The following PDXK variants were observed in gnomAD, a reference collection of about 807,000 sequenced individuals.
The protein encoded by PDXK is pyridoxal kinase.
PDXK carries 15 observed loss-of-function variants against 43.2 expected under a neutral mutation model. The ratio of observed to expected loss-of-function variants is 0.35; its 90% confidence interval spans 0.23 to 0.53. The LOEUF is 0.53. Ranked by LOEUF, PDXK falls within the 20% of genes least tolerant of loss-of-function variation. PDXK has a pLI of 0.92. For missense variants in PDXK, 343 were observed against 417.0 expected (o/e 0.82, Z 1.54); for synonymous variants, 172 against 165.4 (o/e 1.04, Z -0.31).
rs2083417040 is a variant in PDXK at position 43,737,102 on chromosome 21, C to T, written c.142+2979C>T. ...TGTGCACCAGCACGCCCACCTCCTGCCCAGGGTTGTTACTGGGGTGGTCAC... is the reference window on the plus strand; with the variant it reads ...TGTGCACCAGCACGCCCACCTCCTGTCCAGGGTTGTTACTGGGGTGGTCAC... On this transcript the variant is annotated intron_variant, in intron 2 of 10. Coordinates refer to ENST00000291565, the MANE Select transcript of PDXK (RefSeq NM_003681.5). The surrounding 1 kb of genome is among the most constrained non-coding windows in gnomAD (Gnocchi z 4.8). The T allele has an allele frequency of 1.0e-6, 1 of 965,362 alleles. No individual in the cohort carries two copies. Among genetic ancestry groups the T allele is most frequent in the Non-Finnish European group, 1.6e-6 (1 of 626,894 alleles). The allele number at this position is 965,362 out of a possible 1,614,324, so 59.8% of individuals were successfully genotyped here.
In PDXK at chr21:43,732,965, C is replaced by T. The variant is rs1479846384; in HGVS notation, c.88-1104C>T. Among the ~76,000 whole-genome samples, 6 of 152,226 alleles carry T rather than the reference C, an allele frequency of 3.9e-5. No individual in the cohort carries two copies. The South Asian group carries it at 1.2e-3, about 32-fold the overall frequency. On this transcript the variant is annotated intron_variant, in intron 1 of 10. Coordinates refer to ENST00000291565, the MANE Select transcript of PDXK (RefSeq NM_003681.5). This position sits in a 1 kb window ranked among gnomAD's most constrained non-coding sequence, Gnocchi z 4.1. Reference sequence around the variant, plus strand: ...TTTTTGCCATGTTGCCCAGGCTGGTCTTGAACTCCTGGCCTCAAACTGTAC... The same window carrying T: ...TTTTTGCCATGTTGCCCAGGCTGGTTTTGAACTCCTGGCCTCAAACTGTAC...
intron 1 of PDXK, among the ~76,000 whole-genome samples, chr21:43,724,443 C>T (rs558126528): frequency 2.0e-5 from 3 of 152,248 alleles, no homozygotes; most frequent in East Asian, 1.9e-4. Flanking sequence ...AGCATGTGGA[C>T]GCGAGCAGCG....
chr21:43,749,494 G>A (rs2083697321), intron 6 of PDXK, among the ~76,000 whole-genome samples: 1 of 152,384 alleles, frequency 6.6e-6, no homozygotes, highest in South Asian at 2.1e-4. Context: ...CTCTGCCTTC[G>A]GGCTGCCTGT....
At chr21:43,720,404 G>A (rs1003554859) in intron 1 of PDXK, among the ~76,000 whole-genome samples, 1 of 152,200 alleles carries the variant, frequency 6.6e-6, no homozygotes, top group Non-Finnish European at 1.5e-5. Context: ...GAGGAGGACA[G>A]GAAGAGGGGA....
chr21:43,750,487 G>A lies in PDXK; in HGVS notation c.465-13G>A, dbSNP rs371536532. ...CACCTGTCCCCACCCGCCTGTCCCC[G>A]CCTGTCTTCCAGGTTACTGAGTGGC... On this transcript the variant is annotated splice_polypyrimidine_tract_variant and intron_variant, in intron 6 of 10. Transcript: ENST00000291565. 26 of 1,610,334 alleles carry A rather than the reference G, an allele frequency of 1.6e-5. No individual in the cohort carries two copies. The highest frequency in any genetic ancestry group is 5.0e-5 in the Admixed American group (3 of 59,768).
At chr21:43,719,908 G>C (rs368441190) in intron 1 of PDXK, 2 of 985,356 alleles carry the variant, frequency 2.0e-6, no homozygotes. Flanking sequence ...CGGTGCCCAC[G>C]AGGGTGGATT....
intron 7 of PDXK, among the ~76,000 whole-genome samples, chr21:43,750,868 G>T (rs1004710379): frequency 6.6e-6 from 1 of 151,782 alleles, no homozygotes; most frequent in South Asian, 2.1e-4. Context: ...ATGTGCGTCT[G>T]TGTGCATGTG....
chr21:43,732,522 C>A lies in PDXK; in HGVS notation c.88-1547C>A. The A allele has an allele frequency of 7.8e-7, 1 of 1,276,610 alleles. No homozygotes were observed. Among genetic ancestry groups the A allele is most frequent in the Non-Finnish European group, 1.1e-6 (1 of 872,486 alleles). 79.1% of individuals were successfully genotyped at this position (1,276,610 alleles called of 1,614,324 possible). ...AAAAGCAGAAAATAGCGACTTCATT[C>A]TCGGATACGTTTGCCAGCCCCAAAG... On this transcript the variant is annotated intron_variant, in intron 1 of 10. Transcript: ENST00000291565. This position sits in a 1 kb window ranked among gnomAD's most constrained non-coding sequence, Gnocchi z 4.1.
chr21:43,743,424 C>CG (rs1243381472), intron 3 of PDXK, among the ~76,000 whole-genome samples: 1 of 58,702 alleles, frequency 1.7e-5, no homozygotes, highest in Non-Finnish European at 3.4e-5. Context: ...CCCCCGCCCC[C>CG]AGCACTGTGG....
chr21:43,755,538 T>C, intron 9 of PDXK, 160 bp from the exon 10 acceptor site: 1 of 675,166 alleles, frequency 1.5e-6, no homozygotes, highest in South Asian at 1.7e-5. Flanking sequence ...GTCCGCAGCC[T>C]GTCCTCCAGG....
Position 43,737,653 on chromosome 21 carries a change from G to A in PDXK, c.142+3530G>A, listed in dbSNP as rs2147246649. 5 of 985,314 alleles carry A rather than the reference G, an allele frequency of 5.1e-6. No homozygotes were observed. In the South Asian group the frequency reaches 2.3e-4, roughly 46 times the overall value. The allele number at this position is 985,314 out of a possible 1,614,324, so 61.0% of individuals were successfully genotyped here. A position where few individuals can be genotyped will look rare whatever the true frequency, so the allele number is the denominator to read the frequency against. On this transcript the variant is annotated intron_variant, in intron 2 of 10. Coordinates refer to ENST00000291565, the MANE Select transcript of PDXK (RefSeq NM_003681.5). The surrounding 1 kb of genome is among the most constrained non-coding windows in gnomAD (Gnocchi z 4.8). ...CTGGTGTGAACACAAGGAGCTGCGGGGCTGGAGAAGGCCAGGGCCAGGAGC... is the reference window on the plus strand; with the variant it reads ...CTGGTGTGAACACAAGGAGCTGCGGAGCTGGAGAAGGCCAGGGCCAGGAGC...
chr21:43,719,215 C>T lies in PDXK; in HGVS notation c.-80C>T, dbSNP rs1601773677. 2 of 784,768 alleles carry T rather than the reference C, an allele frequency of 2.5e-6. No homozygotes were observed. Among genetic ancestry groups the T allele is most frequent in the Non-Finnish European group, 1.7e-6 (1 of 579,270 alleles). 48.6% of individuals were successfully genotyped at this position (784,768 alleles called of 1,614,324 possible). On this transcript the variant is annotated 5_prime_UTR_variant, in exon 1 of 11. Coordinates refer to ENST00000291565, the MANE Select transcript of PDXK (RefSeq NM_003681.5). Reference sequence around the variant, plus strand: ...AGGGGAGCCGGGGCCGGAGCCCGAGCCCGAGCCGAGCCGGAGCCCGAGCGA... The same window carrying T: ...AGGGGAGCCGGGGCCGGAGCCCGAGTCCGAGCCGAGCCGGAGCCCGAGCGA...
intron 1 of PDXK, among the ~76,000 whole-genome samples, chr21:43,727,048 TTTCCTG>T (rs2083261785): frequency 1.3e-5 from 2 of 152,332 alleles, no homozygotes; most frequent in African/African-American, 4.8e-5. Flanking sequence ...CCCCCCCGTC[TTTCCTG>T]TAAGTGACTT....
intron 1 of PDXK, among the ~76,000 whole-genome samples, chr21:43,729,622 C>T (rs1471494474): frequency 6.6e-6 from 1 of 152,048 alleles, no homozygotes; most frequent in Non-Finnish European, 1.5e-5. Flanking sequence ...GTGGGGAATG[C>T]ACATGAGGGG....
In PDXK at chr21:43,737,826, T is replaced by G; in HGVS notation, c.142+3703T>G. On this transcript the variant is annotated intron_variant, in intron 2 of 10. Coordinates refer to ENST00000291565, the MANE Select transcript of PDXK (RefSeq NM_003681.5). The surrounding 1 kb of genome is among the most constrained non-coding windows in gnomAD (Gnocchi z 4.8). ...TGGGCCGCCCGAGGAACCGCTTGTT[T>G]GCCTGTGCTTTTTCATCTGTAAATG... 1.0e-6 allele frequency: 1 copy of G among 985,518 alleles called. No individual in the cohort carries two copies. Among genetic ancestry groups the G allele is most frequent in the Non-Finnish European group, 1.2e-6 (1 of 829,974 alleles). The allele number at this position is 985,518 out of a possible 1,614,324, so 61.0% of individuals were successfully genotyped here. A position where few individuals can be genotyped will look rare whatever the true frequency, so the allele number is the denominator to read the frequency against.
At chr21:43,725,309 C>T (rs1406794514) in intron 1 of PDXK, among the ~76,000 whole-genome samples, 3 of 151,152 alleles carry the variant, frequency 2.0e-5, no homozygotes, top group African/African-American at 7.4e-5. Flanking sequence ...GGCGACAGAG[C>T]AAGACTCTCG....
rs1049394768 is a variant in PDXK, at chr21:43,734,675, GA to G, written c.142+553del. Among the ~76,000 whole-genome samples the G allele has an allele frequency of 2.0e-5, 3 of 152,126 alleles. No homozygotes were observed. The highest frequency in any genetic ancestry group is 2.9e-5 in the Non-Finnish European group (2 of 68,016). On this transcript the variant is annotated intron_variant, in intron 2 of 10. Transcript: ENST00000291565. This position sits in a 1 kb window ranked among gnomAD's most constrained non-coding sequence, Gnocchi z 5.0. ...TGTCTCCCTGCCCTGGGACTCTGAGGACTTTGCTGGCTCAGGGGACTGAGGG... is the reference window on the plus strand; with the variant it reads ...TGTCTCCCTGCCCTGGGACTCTGAGGCTTTGCTGGCTCAGGGGACTGAGGG...
At chr21:43,753,465 C>T (rs1335600777) in intron 8 of PDXK, 118 bp from the exon 9 acceptor site, 8 of 1,032,954 alleles carry the variant, frequency 7.7e-6, no homozygotes, top group Middle Eastern at 4.6e-4. Flanking sequence ...GCAAGGCCAC[C>T]TTGTGCTCTG....
At chr21:43,721,284 G>A (rs1409697145) in intron 1 of PDXK, among the ~76,000 whole-genome samples, 5 of 152,244 alleles carry the variant, frequency 3.3e-5, no homozygotes, top group Admixed American at 2.6e-4. Context: ...CCAAGGGGAC[G>A]TGTCCCCAAA....
Sources: gnomAD v4.1 joint callset for allele counts (sites outside exome capture counted in the v4.1 genomes callset) on GRCh38, gnomAD v4.1.1 for gene constraint, Gnocchi (gnomAD v3.1) non-coding constraint, MANE v1.5 for transcripts, NCBI Gene and HGNC (gene_info 2026-07-23, HGNC 2026-07-21) for gene names.